LRRTM4: variants seen among roughly 807,000 people sequenced by gnomAD.
LRRTM4 encodes leucine-rich repeat transmembrane neuronal protein 4.
Under a neutral mutation model 47.6 loss-of-function variants are expected in LRRTM4, and 25 were observed. The observed-to-expected ratio is 0.53, with a 90% confidence interval of 0.38 to 0.73. The LOEUF (loss-of-function observed/expected upper bound fraction) is 0.73. Among genes scored for constraint, LRRTM4 ranks in the 30% least tolerant of loss-of-function variants. LRRTM4 has a pLI of 0.00. For synonymous variants in LRRTM4, 311 were observed against 269.5 expected (o/e 1.15, Z -1.51); for missense variants, 638 against 713.4 (o/e 0.89, Z 1.20).
intron 3 of LRRTM4, among the ~76,000 whole-genome samples, chr2:77,193,461 T>A (rs569319074): frequency 2.0e-5 from 3 of 152,208 alleles, no homozygotes; most frequent in South Asian, 2.1e-4. Flanking sequence ...TAAGAATCCA[T>A]CTAGTTGTCT....
At chr2:77,029,379 T>TGG (rs756550832) in intron 3 of LRRTM4, among the ~76,000 whole-genome samples, 1 of 152,032 alleles carries the variant, frequency 6.6e-6, no homozygotes, top group Non-Finnish European at 1.5e-5. Context: ...CTTCAGTCTG[T>TGG]GGCTGAAGGC....
intron 3 of LRRTM4, among the ~76,000 whole-genome samples, chr2:77,398,722 A>G (rs1673805733): frequency 6.6e-6 from 1 of 151,750 alleles, no homozygotes; most frequent in Non-Finnish European, 1.5e-5. Context: ...CCTGAGAATG[A>G]CCCCGTATGG....
At chr2:77,355,007 ACT>A (rs1671918430) in intron 3 of LRRTM4, among the ~76,000 whole-genome samples, 2 of 152,084 alleles carry the variant, frequency 1.3e-5, no homozygotes, top group Non-Finnish European at 2.9e-5. Flanking sequence ...ATCGCTCATC[ACT>A]CTGTAAAATC....
chr2:77,332,213 G>T (rs1670997934), intron 3 of LRRTM4, among the ~76,000 whole-genome samples: 1 of 151,840 alleles, frequency 6.6e-6, no homozygotes, highest in Non-Finnish European at 1.5e-5. Flanking sequence ...AGGTTTACTT[G>T]CACTCTTTCC....
intron 3 of LRRTM4, among the ~76,000 whole-genome samples, chr2:77,381,277 A>G (rs912055447): frequency 6.6e-6 from 1 of 152,134 alleles, no homozygotes; most frequent in Admixed American, 6.6e-5. Context: ...GAGATTACAG[A>G]AGTCAATGGG....
intron 3 of LRRTM4, among the ~76,000 whole-genome samples, chr2:76,798,121 C>G (rs1675451437): frequency 6.6e-6 from 1 of 152,034 alleles, no homozygotes; most frequent in African/African-American, 2.4e-5. Flanking sequence ...CTACTGAACT[C>G]TCCACACCAA....
chr2:77,227,459 A>C (rs1674846674), intron 3 of LRRTM4, among the ~76,000 whole-genome samples: 1 of 152,120 alleles, frequency 6.6e-6, no homozygotes, highest in Non-Finnish European at 1.5e-5. Flanking sequence ...AGGAAACAAA[A>C]GAGCAAGAAA....
chr2:77,411,618 ATTTTTTTTT>A (rs1222177148), intron 3 of LRRTM4, among the ~76,000 whole-genome samples: 711 of 64,838 alleles, frequency 0.011, 15 homozygotes, highest in African/African-American at 0.043. Flanking sequence ...ATGCCCGGCT[ATTTTTTTTT>A]TTTTTTTTTT....
At chr2:77,044,334 C>T (rs986941599) in intron 3 of LRRTM4, among the ~76,000 whole-genome samples, 1 of 151,624 alleles carries the variant, frequency 6.6e-6, no homozygotes, top group African/African-American at 2.4e-5. Context: ...AAATATGGTA[C>T]TTGGAATGTT....
At chr2:76,888,667 G>GT (rs1343228264) in intron 3 of LRRTM4, among the ~76,000 whole-genome samples, 2 of 151,508 alleles carry the variant, frequency 1.3e-5, no homozygotes, top group African/African-American at 2.4e-5. Context: ...TTATTCATTA[G>GT]TTTTTTTTCT....
chr2:76,855,229 G>A (rs149095142), intron 3 of LRRTM4, among the ~76,000 whole-genome samples: 3 of 152,290 alleles, frequency 2.0e-5, no homozygotes, highest in East Asian at 1.9e-4. Flanking sequence ...GCCCGTGTAA[G>A]CCATCAGTTG....
At chr2:76,783,571 C>G (rs1422928660) in intron 3 of LRRTM4, among the ~76,000 whole-genome samples, 1 of 152,060 alleles carries the variant, frequency 6.6e-6, no homozygotes, top group Non-Finnish European at 1.5e-5. Flanking sequence ...TGGCAAACGC[C>G]TATTTAGTGT....
At chr2:77,140,242 A>G (rs1382621670) in intron 3 of LRRTM4, among the ~76,000 whole-genome samples, 2 of 152,210 alleles carry the variant, frequency 1.3e-5, no homozygotes, top group Non-Finnish European at 2.9e-5. Context: ...ATGCTATAGT[A>G]ACCAAAACAG....
chr2:77,022,369 C>G (rs1678305128), intron 3 of LRRTM4, among the ~76,000 whole-genome samples: 1 of 152,088 alleles, frequency 6.6e-6, no homozygotes, highest in Non-Finnish European at 1.5e-5. Flanking sequence ...CTTCCCCCTG[C>G]CCCTCCAAAT....
chr2:76,848,823 C>G (rs563623087), intron 3 of LRRTM4, among the ~76,000 whole-genome samples: 48 of 152,182 alleles, frequency 3.2e-4, no homozygotes, highest in African/African-American at 1.1e-3. Flanking sequence ...ATATTTGGAA[C>G]AAGAATTTAC....
intron 3 of LRRTM4, among the ~76,000 whole-genome samples, chr2:76,920,899 CA>C (rs141046464): frequency 0.017 from 2,573 of 152,106 alleles, 64 homozygotes; most frequent in East Asian, 0.084. Context: ...AACACACTTA[CA>C]AAATTTAGAA....
At chr2:77,170,951 G>GTAT (rs1553402796) in intron 3 of LRRTM4, among the ~76,000 whole-genome samples, 12,952 of 149,278 alleles carry the variant, frequency 0.087, 1,392 homozygotes, top group African/African-American at 0.26. Context: ...TGTATTATAT[G>GTAT]TATTATATGT....
chr2:77,228,923 T>G lies in LRRTM4; in HGVS notation c.1551+289395A>C, dbSNP rs17013840. Among the ~76,000 whole-genome samples the G allele has an allele frequency of 8.3e-3, 1,270 of 152,256 alleles. 12 individuals are homozygous for G. Among genetic ancestry groups the G allele is most frequent in the African/African-American group, 0.028 (1,179 of 41,560 alleles). ...TCTCCCAGTAAACCAGGAGAATTAG[T>G]AGATGTGCTCTTTGACCATATGACC... is the stretch of plus-strand genomic sequence containing the variant. On this transcript the variant is annotated intron_variant, in intron 3 of 3. Transcript: ENST00000409884.
chr2:77,149,190 C>T (rs1266382530), intron 3 of LRRTM4, among the ~76,000 whole-genome samples: 1 of 152,040 alleles, frequency 6.6e-6, no homozygotes, highest in Non-Finnish European at 1.5e-5. Context: ...AACAATACCA[C>T]TGGATTTTAA....
Sources: allele counts gnomAD v4.1 joint callset (sites outside exome capture counted in the v4.1 genomes callset), GRCh38; gene constraint gnomAD v4.1.1; transcripts MANE v1.5; gene names NCBI Gene and HGNC (gene_info 2026-07-23, HGNC 2026-07-21).